The following CTPS2 variants were observed in gnomAD, a reference collection of about 807,000 sequenced individuals.
The protein encoded by CTPS2 is CTP synthase II.
CTPS2 carries 19 observed loss-of-function variants against 46.8 expected under a neutral mutation model. The observed-to-expected ratio is 0.41, with a 90% CI of 0.28 to 0.60. The LOEUF (loss-of-function observed/expected upper bound fraction) is 0.60, where lower values mean the gene tolerates loss of function less well. CTPS2 is among the 20% of genes least tolerant of loss of function. The pLI, the probability that CTPS2 is intolerant of heterozygous loss-of-function variation, is 0.35. For missense variants in CTPS2, 286 were observed against 447.6 expected, an observed-to-expected ratio of 0.64 and a Z score of 3.26; for synonymous variants, 151 against 165.2, an observed-to-expected ratio of 0.91 and a Z score of 0.66.
rs766086337 is a variant in CTPS2 at position 16,683,110 on chromosome X, T to C, written c.989A>G (p.His330Arg). 5.8e-6 allele frequency: 7 copies of C among 1,209,521 alleles called. No homozygotes were observed. The South Asian group carries it at 8.8e-5, about 15-fold the overall frequency. The change falls in exon 9 of 19, where the codon CAC (histidine) becomes CGC (arginine). Residue 330 changes from histidine to arginine, a missense_variant. Coordinates refer to ENST00000359276, the MANE Select transcript of CTPS2 (RefSeq NM_175859.3). ...ALEHSALAIN[H>R]KLNLMYIDSI... ...AGGACTCACCATCAGATTCAACTTG[T>C]GGTTGATGGCCAGGGCTGAGTGTTC...
At chrX:16,669,385 A>G (rs1236912687) in intron 11 of CTPS2, among the ~76,000 whole-genome samples, 1 of 101,486 alleles carries the variant, frequency 9.9e-6, no homozygotes, top group Non-Finnish European at 2.0e-5. Context: ...GGATGCCAGA[A>G]CAGAAGTCAA....
At position 16,678,488 on chromosome X, in the gene CTPS2, AAAAT is replaced by A. The variant is rs1435476511; in HGVS notation, c.1006-42_1006-39del. The A allele has an allele frequency of 3.4e-6, 3 of 874,701 alleles. No homozygotes were observed. In the Admixed American group the frequency reaches 7.4e-5, roughly 21 times the overall value. The allele number at this position is 874,701 out of a possible 1,213,427, so 72.1% of individuals were successfully genotyped here. ...CAACAGATAAAAGGAGTATTTAAGAAAAATAAACACTCAAAAATACTGCAGCCAT... is the reference window on the plus strand; with the variant it reads ...CAACAGATAAAAGGAGTATTTAAGAAAAACACTCAAAAATACTGCAGCCAT... On this transcript the variant is annotated intron_variant, in intron 9 of 18. Transcript: ENST00000359276.
intron 14 of CTPS2, among the ~76,000 whole-genome samples, chrX:16,631,326 C>T (rs931393604): frequency 3.8e-5 from 4 of 105,987 alleles, no homozygotes; most frequent in Non-Finnish European, 7.8e-5. Context: ...CCAGCCTGGG[C>T]GACAGAGCAA....
At chrX:16,632,291 T>G (rs1931513023) in intron 14 of CTPS2, among the ~76,000 whole-genome samples, 1 of 112,149 alleles carries the variant, frequency 8.9e-6, no homozygotes, top group South Asian at 3.7e-4. Flanking sequence ...AATTAAAAAC[T>G]TTTTTAAAAG....
intron 13 of CTPS2, among the ~76,000 whole-genome samples, chrX:16,663,002 A>T (rs1346399973): frequency 8.9e-6 from 1 of 111,836 alleles, no homozygotes; most frequent in Non-Finnish European, 1.9e-5. Flanking sequence ...ACACAAACTA[A>T]ATATGAGACT....
intron 13 of CTPS2, among the ~76,000 whole-genome samples, chrX:16,660,690 G>A (rs1209103169): frequency 1.8e-5 from 2 of 110,461 alleles, no homozygotes; most frequent in Non-Finnish European, 3.8e-5. Flanking sequence ...TTATTTTTTT[G>A]TAGACACGAG....
intron 10 of CTPS2, among the ~76,000 whole-genome samples, chrX:16,672,206 G>C (rs1401668508): frequency 1.8e-5 from 2 of 111,305 alleles, no homozygotes; most frequent in Non-Finnish European, 3.8e-5. Flanking sequence ...TGATAGCTAT[G>C]GGTGACAGAA....
At chrX:16,637,073 A>C (rs1402413808) in intron 14 of CTPS2, among the ~76,000 whole-genome samples, 1 of 111,956 alleles carries the variant, frequency 8.9e-6, no homozygotes, top group Admixed American at 9.5e-5. Flanking sequence ...CAAATCATCA[A>C]TATTTTTATG....
At chrX:16,695,797 C>T (rs1197588468) in intron 4 of CTPS2, among the ~76,000 whole-genome samples, 1 of 110,615 alleles carries the variant, frequency 9.0e-6, no homozygotes, top group Non-Finnish European at 1.9e-5. Context: ...GTGATCCACC[C>T]GCCTCAGCCT....
intron 17 of CTPS2, among the ~76,000 whole-genome samples, chrX:16,601,583 G>T (rs922379026): frequency 1.6e-4 from 16 of 98,580 alleles, no homozygotes; most frequent in Admixed American, 2.2e-4. Context: ...GGGGGGGGGG[G>T]GGTTTAAGTT....
chrX:16,682,803 T>C (rs187791726), intron 9 of CTPS2, among the ~76,000 whole-genome samples: 29 of 111,984 alleles, frequency 2.6e-4, no homozygotes, highest in African/African-American at 8.4e-4. Context: ...AGTTTGCATG[T>C]ATTATCACAA....
chrX:16,639,052 G>C, intron 14 of CTPS2, 95 bp downstream of exon 14: 1 of 652,300 alleles, frequency 1.5e-6, no homozygotes, highest in Non-Finnish European at 2.6e-6. Flanking sequence ...TGCTGGAAGG[G>C]GCAGGGGGAG....
intron 13 of CTPS2, among the ~76,000 whole-genome samples, chrX:16,663,866 T>C (rs1217994673): frequency 2.7e-5 from 3 of 110,943 alleles, no homozygotes; most frequent in Admixed American, 9.6e-5. Context: ...GGCAGAGTCT[T>C]GCTTTGTCAC....
chrX:16,682,985 G>C, intron 9 of CTPS2, 109 bp downstream of exon 9: 1 of 834,626 alleles, frequency 1.2e-6, no homozygotes, highest in South Asian at 2.3e-5. Flanking sequence ...CTGGTGAATC[G>C]TAAGTCCTGC....
chrX:16,593,906 A>G (rs980592503), intron 17 of CTPS2, among the ~76,000 whole-genome samples: 2 of 111,390 alleles, frequency 1.8e-5, no homozygotes, highest in Non-Finnish European at 3.8e-5. Context: ...ACAACAGCCA[A>G]AAAAGCTGAT....
intron 13 of CTPS2, among the ~76,000 whole-genome samples, chrX:16,640,275 C>T (rs1216613945): frequency 9.0e-6 from 1 of 111,396 alleles, no homozygotes; most frequent in Non-Finnish European, 1.9e-5. Context: ...GCGACTTGGC[C>T]CACACTGTGC....
At chrX:16,593,447 A>AG (rs1467416929) in intron 17 of CTPS2, among the ~76,000 whole-genome samples, 1 of 105,092 alleles carries the variant, frequency 9.5e-6, no homozygotes, top group Non-Finnish European at 1.9e-5. Context: ...AAAAAAAAAA[A>AG]GTCTGAATTC....
intron 7 of CTPS2, among the ~76,000 whole-genome samples, chrX:16,690,602 G>T (rs750190908): frequency 3.6e-5 from 4 of 111,516 alleles, no homozygotes; most frequent in Non-Finnish European, 7.5e-5. Context: ...CTGAAGAAAA[G>T]ATTTCTGCCA....
chrX:16,588,541 G>T lies in CTPS2; in HGVS notation c.*1276C>A, dbSNP rs1463985493. 1 of 17,059 alleles carries T rather than the reference G, an allele frequency of 5.9e-5. No homozygotes were observed. The highest frequency in any genetic ancestry group is 1.0e-4 in the Non-Finnish European group (1 of 9,917). The allele number at this position is 17,059 out of a possible 1,213,427, so 1.4% of individuals were successfully genotyped here. A position where few individuals can be genotyped will look rare whatever the true frequency, so the allele number is the denominator to read the frequency against. ...TGCATGAAAAAATGCTCTAGTGGGG[G>T]TGAGCCAAAGCCAAGCCCCCCTTCC... On this transcript the variant is annotated 3_prime_UTR_variant, in exon 19 of 19. Transcript: ENST00000359276.
Sources: allele counts gnomAD v4.1 joint callset (sites outside exome capture counted in the v4.1 genomes callset), GRCh38; gene constraint gnomAD v4.1.1; transcripts MANE v1.5; gene names NCBI Gene and HGNC (gene_info 2026-07-23, HGNC 2026-07-21).